The following FAM200B variants were observed in gnomAD, a reference collection of about 807,000 sequenced individuals.
The protein encoded by FAM200B is protein FAM200B.
A neutral mutation model predicts 33.1 loss-of-function variants in FAM200B; 32 were observed. The observed-to-expected ratio is 0.97, with a 90% CI of 0.73 to 1.30. The LOEUF is 1.30. FAM200B is among the 50% of genes most tolerant of loss of function. FAM200B has a pLI of 0.00. For synonymous variants in FAM200B, 240 were observed against 264.8 expected (o/e 0.91, Z 0.91); for missense variants, 741 against 754.0 (o/e 0.98, Z 0.20).
the FAM200B span, among the ~76,000 whole-genome samples, chr4:15,664,367 A>G: frequency 6.6e-6 from 1 of 152,034 alleles, no homozygotes; most frequent in Non-Finnish European, 1.5e-5. Flanking sequence ...AAAACAAAAA[A>G]TCTAATGACT....
chr4:15,679,185 C>T (rs1185330413), upstream of FAM200B, among the ~76,000 whole-genome samples: 1 of 151,670 alleles, frequency 6.6e-6, no homozygotes, highest in Non-Finnish European at 1.5e-5. Flanking sequence ...GCCTCAGCCT[C>T]CTGAGTAGCT....
the FAM200B span, among the ~76,000 whole-genome samples, chr4:15,651,724 TAA>T: frequency 2.6e-5 from 4 of 152,216 alleles, no homozygotes; most frequent in Non-Finnish European, 4.4e-5. Flanking sequence ...AATGTATAAA[TAA>T]ATTCTTTCAT....
At chr4:15,642,690 G>C in the FAM200B span, among the ~76,000 whole-genome samples, 2 of 152,024 alleles carry the variant, frequency 1.3e-5, no homozygotes, top group Non-Finnish European at 2.9e-5. Flanking sequence ...TATCCACATG[G>C]CTTCCATTCC....
the FAM200B span, among the ~76,000 whole-genome samples, chr4:15,662,118 C>T: frequency 6.6e-6 from 1 of 152,202 alleles, no homozygotes; most frequent in Non-Finnish European, 1.5e-5. Flanking sequence ...ACTGGTCATA[C>T]AGAACAACCC....
the FAM200B span, among the ~76,000 whole-genome samples, chr4:15,647,222 CA>C: frequency 0.12 from 4,204 of 36,416 alleles, 98 homozygotes; most frequent in East Asian, 0.42. Context: ...GACTCCATCT[CA>C]AAAAAAAAAA....
At chr4:15,660,082 ATT>A in the FAM200B span, among the ~76,000 whole-genome samples, 5 of 140,430 alleles carry the variant, frequency 3.6e-5, no homozygotes, top group Middle Eastern at 3.2e-3. Context: ...TACCCCTGAC[ATT>A]TTTTTTTTTT....
At chr4:15,673,258 G>A in the FAM200B span, among the ~76,000 whole-genome samples, 5 of 152,012 alleles carry the variant, frequency 3.3e-5, no homozygotes, top group African/African-American at 7.3e-5. Flanking sequence ...TGGACAACAT[G>A]GCAAAATCCT....
At chr4:15,642,834 G>A in the FAM200B span, among the ~76,000 whole-genome samples, 5 of 152,116 alleles carry the variant, frequency 3.3e-5, no homozygotes, top group Non-Finnish European at 7.4e-5. Context: ...AACCTAATCT[G>A]TCAAGAATGA....
chr4:15,667,771 A>G, the FAM200B span, among the ~76,000 whole-genome samples: 2 of 152,028 alleles, frequency 1.3e-5, no homozygotes, highest in Non-Finnish European at 2.9e-5. Flanking sequence ...AAGATGGTCA[A>G]TTTATCACGC....
the FAM200B span, chr4:15,640,928 A>C: frequency 9.3e-7 from 1 of 1,069,696 alleles, no homozygotes; most frequent in Non-Finnish European, 1.3e-6. Flanking sequence ...GTTTCGCTTC[A>C]TTAATTATGT....
At chr4:15,665,117 C>G in the FAM200B span, among the ~76,000 whole-genome samples, 1 of 152,140 alleles carries the variant, frequency 6.6e-6, no homozygotes, top group African/African-American at 2.4e-5. Context: ...CCACGTGTCT[C>G]TCCCATTCTT....
the FAM200B span, among the ~76,000 whole-genome samples, chr4:15,661,796 T>C: frequency 6.6e-6 from 1 of 152,218 alleles, no homozygotes; most frequent in Non-Finnish European, 1.5e-5. Flanking sequence ...AGATCAGGTT[T>C]TCTCATGTGG....
the FAM200B span, among the ~76,000 whole-genome samples, chr4:15,667,902 G>A: frequency 2.0e-5 from 3 of 152,014 alleles, no homozygotes; most frequent in African/African-American, 7.2e-5. Context: ...TTAGCCAGGC[G>A]TGGTGGCGGG....
At chr4:15,645,068 T>C in the FAM200B span, among the ~76,000 whole-genome samples, 1 of 151,968 alleles carries the variant, frequency 6.6e-6, no homozygotes, top group Admixed American at 6.6e-5. Context: ...GAGGGAAACT[T>C]GATTAGGTTA....
At chr4:15,657,553 C>G in the FAM200B span, among the ~76,000 whole-genome samples, 1 of 152,164 alleles carries the variant, frequency 6.6e-6, no homozygotes, top group African/African-American at 2.4e-5. Flanking sequence ...AGATTTGAAG[C>G]TCTATAATCA....
chr4:15,650,597 G>A, the FAM200B span, among the ~76,000 whole-genome samples: 9 of 150,018 alleles, frequency 6.0e-5, no homozygotes, highest in Admixed American at 2.0e-4. Flanking sequence ...ATAAAAGGAC[G>A]CACATAATTA....
chr4:15,638,990 C>T, the FAM200B span, among the ~76,000 whole-genome samples: 2 of 152,106 alleles, frequency 1.3e-5, no homozygotes, highest in Admixed American at 6.5e-5. Context: ...CATAGAAAAA[C>T]GCCATCTCTA....
At chr4:15,659,805 G>A in the FAM200B span, 30 of 879,700 alleles carry the variant, frequency 3.4e-5, no homozygotes, top group Admixed American at 6.2e-5. Context: ...TCTATTATGG[G>A]CTGACTTGTA....
intron 1 of FAM200B, among the ~76,000 whole-genome samples, chr4:15,683,906 C>T (rs372568806): frequency 1.3e-5 from 2 of 152,194 alleles, no homozygotes; most frequent in South Asian, 4.1e-4. Context: ...AACTACCATA[C>T]AGCAAGCACT....
Sources: allele counts gnomAD v4.1 joint callset (sites outside exome capture counted in the v4.1 genomes callset), GRCh38; gene constraint gnomAD v4.1.1; transcripts MANE v1.5; gene names NCBI Gene and HGNC (gene_info 2026-07-23, HGNC 2026-07-21).